SYNPR: variants seen among roughly 807,000 people sequenced by gnomAD.
SYNPR encodes the protein synaptoporin.
A neutral mutation model predicts 32.9 loss-of-function variants in SYNPR; 23 were observed. The ratio of observed to expected loss-of-function variants is 0.70; its 90% CI spans 0.50 to 0.99. The LOEUF (loss-of-function observed/expected upper bound fraction) is 0.99, where lower values mean the gene tolerates loss of function less well. SYNPR is among the 50% of genes least tolerant of loss of function. SYNPR has a pLI of 0.00. For synonymous variants in SYNPR, 146 were observed against 135.9 expected (o/e 1.07, Z -0.52); for missense variants, 318 against 349.3 (o/e 0.91, Z 0.71).
intron 3 of SYNPR, among the ~76,000 whole-genome samples, chr3:63,485,664 T>A (rs1219560823): frequency 6.6e-6 from 1 of 152,170 alleles, no homozygotes; most frequent in Non-Finnish European, 1.5e-5. Flanking sequence ...AGAAAGAGAC[T>A]AAGTTTGTTA....
intron 2 of SYNPR, among the ~76,000 whole-genome samples, chr3:63,432,091 C>A (rs1015570643): frequency 2.0e-5 from 3 of 152,144 alleles, no homozygotes; most frequent in Admixed American, 2.0e-4. Context: ...ACCTGCTTCC[C>A]GCACCTCCTA....
At chr3:63,308,321 A>C (rs2086928699) in intron 2 of SYNPR, among the ~76,000 whole-genome samples, 1 of 151,978 alleles carries the variant, frequency 6.6e-6, no homozygotes, top group South Asian at 2.1e-4. Flanking sequence ...CTCTTAAGCA[A>C]ATTTTATTGA....
At chr3:63,282,350 C>T (rs2086638127) in intron 2 of SYNPR, among the ~76,000 whole-genome samples, 1 of 152,054 alleles carries the variant, frequency 6.6e-6, no homozygotes, top group Non-Finnish European at 1.5e-5. Flanking sequence ...TTCTAATGAA[C>T]ATACTGGATC....
chr3:63,587,540 T>C (rs1479115304), intron 4 of SYNPR, among the ~76,000 whole-genome samples: 1 of 152,064 alleles, frequency 6.6e-6, no homozygotes, highest in Non-Finnish European at 1.5e-5. Flanking sequence ...CAGCAGTTTC[T>C]TCCCATTTTA....
At chr3:63,425,402 T>C (rs1699874810) in intron 2 of SYNPR, among the ~76,000 whole-genome samples, 2 of 152,186 alleles carry the variant, frequency 1.3e-5, no homozygotes, top group African/African-American at 4.8e-5. Flanking sequence ...GGTTAACTTG[T>C]TATTATGGGT....
chr3:63,236,223 C>T (rs2086199320), intron 1 of SYNPR, among the ~76,000 whole-genome samples: 1 of 151,850 alleles, frequency 6.6e-6, no homozygotes, highest in African/African-American at 2.4e-5. Context: ...TATTCTTTTC[C>T]ATAGATCTAT....
chr3:63,451,492 G>A (rs534076377), intron 2 of SYNPR, among the ~76,000 whole-genome samples: 10 of 152,266 alleles, frequency 6.6e-5, no homozygotes, highest in Non-Finnish European at 5.9e-5. Context: ...CATTCCCTAT[G>A]ATTAGCTCAT....
chr3:63,415,017 C>T (rs1169380745), intron 2 of SYNPR, among the ~76,000 whole-genome samples: 1 of 152,090 alleles, frequency 6.6e-6, no homozygotes, highest in African/African-American at 2.4e-5. Flanking sequence ...TTTTATGATC[C>T]AGTTGTTAAA....
intron 2 of SYNPR, among the ~76,000 whole-genome samples, chr3:63,417,789 G>T (rs550781219): frequency 6.6e-5 from 10 of 152,308 alleles, no homozygotes; most frequent in African/African-American, 2.4e-4. Context: ...GTCATGGCTG[G>T]GGTGGCTGGG....
chr3:63,602,165 G>A (rs989772162), intron 4 of SYNPR, among the ~76,000 whole-genome samples: 2 of 152,080 alleles, frequency 1.3e-5, no homozygotes, highest in Admixed American at 1.3e-4. Context: ...GTCTGTTCAT[G>A]TCCTTTGCCC....
rs566678388 is a variant in SYNPR, at chr3:63,569,458, CAA to C, written c.408+12719_408+12720del. Among the ~76,000 whole-genome samples, 547 of 152,288 alleles carry C rather than the reference CAA, an allele frequency of 3.6e-3. 3 individuals are homozygous for C. Among genetic ancestry groups the C allele is most frequent in the African/African-American group, 0.013 (530 of 41,580 alleles). On this transcript the variant is annotated intron_variant, in intron 4 of 5. Coordinates refer to ENST00000478300, the MANE Select transcript of SYNPR (RefSeq NM_001130003.2). ...GAAGAGATCTCCCAAAAAAGACCTA[CAA>C]AGATAATTTTCTTCCCAGAGAATAA...
chr3:63,541,489 C>T (rs1702301971), intron 3 of SYNPR, among the ~76,000 whole-genome samples: 1 of 152,076 alleles, frequency 6.6e-6, no homozygotes, highest in South Asian at 2.1e-4. Flanking sequence ...TATCACAGGC[C>T]ATCAGACCCA....
At chr3:63,438,688 T>A (rs1700123745) in intron 2 of SYNPR, among the ~76,000 whole-genome samples, 1 of 152,216 alleles carries the variant, frequency 6.6e-6, no homozygotes, top group African/African-American at 2.4e-5. Flanking sequence ...CCTGCTCACA[T>A]CACAATACAT....
At chr3:63,366,770 T>C (rs900593708) in intron 2 of SYNPR, among the ~76,000 whole-genome samples, 3 of 152,214 alleles carry the variant, frequency 2.0e-5, no homozygotes, top group African/African-American at 7.2e-5. Context: ...TTTGCATAAA[T>C]CACATTCATT....
chr3:63,326,431 A>G (rs2106975963), intron 2 of SYNPR, among the ~76,000 whole-genome samples: 1 of 152,256 alleles, frequency 6.6e-6, no homozygotes, highest in Non-Finnish European at 1.5e-5. Context: ...TTATTCTTCC[A>G]TCACCAGCTG....
intron 2 of SYNPR, among the ~76,000 whole-genome samples, chr3:63,358,585 T>C (rs1016881145): frequency 6.6e-6 from 1 of 151,668 alleles, no homozygotes; most frequent in African/African-American, 2.4e-5. Context: ...AACATGAACA[T>C]CTTTAGGGAG....
In SYNPR at chr3:63,353,367, G is replaced by A. The variant is rs1309727058; in HGVS notation, c.84+74625G>A. Among the ~76,000 whole-genome samples, 3 of 152,200 alleles carry A rather than the reference G, an allele frequency of 2.0e-5. No individual in the cohort carries two copies. In the East Asian group the frequency reaches 5.8e-4, roughly 29 times the overall value. Reference sequence around the variant, plus strand: ...CTTATTTATCTTCTTCCACAGGGAGGGGGATCTAGTGAAGCTGCCTAGAAT... The same window carrying A: ...CTTATTTATCTTCTTCCACAGGGAGAGGGATCTAGTGAAGCTGCCTAGAAT... On this transcript the variant is annotated intron_variant, in intron 2 of 5. Transcript: ENST00000478300.
chr3:63,336,464 G>A (rs74442668), intron 2 of SYNPR, among the ~76,000 whole-genome samples: 3,264 of 125,230 alleles, frequency 0.026, 129 homozygotes, highest in African/African-American at 0.092. Context: ...GCAATCCAAT[G>A]GAGAAAAGAT....
chr3:63,240,003 T>A (rs12632294), intron 1 of SYNPR, among the ~76,000 whole-genome samples: 36,299 of 152,146 alleles, frequency 0.24, 4,590 homozygotes, highest in South Asian at 0.39. Context: ...TTCTTATCTC[T>A]ATAAGGCTAA....
Sources: gnomAD v4.1 joint callset for allele counts (sites outside exome capture counted in the v4.1 genomes callset) on GRCh38, gnomAD v4.1.1 for gene constraint, MANE v1.5 for transcripts, NCBI Gene and HGNC (gene_info 2026-07-23, HGNC 2026-07-21) for gene names.